The following PRIM2 variants were observed in gnomAD, a reference collection of about 807,000 sequenced individuals.
PRIM2 encodes DNA primase large subunit.
Under a neutral mutation model 67.3 loss-of-function variants are expected in PRIM2, and 39 were observed. That is an observed-to-expected ratio of 0.58 (90% confidence interval 0.45 to 0.76). The LOEUF (loss-of-function observed/expected upper bound fraction) is 0.76. PRIM2 is among the 30% of genes least tolerant of loss of function. The probability of loss-of-function intolerance (pLI) is 0.00; values close to 1 mark genes in which losing one functional copy is unlikely to be tolerated. For synonymous variants in PRIM2, 143 were observed against 198.7 expected (o/e 0.72, Z 2.36); for missense variants, 398 against 598.7 (o/e 0.66, Z 3.50).
intron 3 of PRIM2, among the ~76,000 whole-genome samples, chr6:57,322,490 T>C (rs1767694008): frequency 6.6e-6 from 1 of 152,140 alleles, no homozygotes; most frequent in Non-Finnish European, 1.5e-5. Context: ...CTATTCTAGA[T>C]AGTGAGTTCT....
the PRIM2 span, among the ~76,000 whole-genome samples, chr6:57,246,589 G>A: frequency 6.6e-6 from 1 of 152,126 alleles, no homozygotes; most frequent in Non-Finnish European, 1.5e-5. Flanking sequence ...CAGGGTGTAG[G>A]TACTATAACT....
intron 12 of PRIM2, among the ~76,000 whole-genome samples, chr6:57,616,182 A>G (rs1446278758): frequency 6.6e-6 from 1 of 152,244 alleles, no homozygotes; most frequent in African/African-American, 2.4e-5. Flanking sequence ...ATTTGAAGCC[A>G]TGGTGGTTTG....
In PRIM2 at chr6:57,443,368, C is replaced by T. The variant is rs77202658; in HGVS notation, c.693+61200C>T. Among the ~76,000 whole-genome samples, 5 of 152,168 alleles carry T rather than the reference C, an allele frequency of 3.3e-5. No individual in the cohort carries two copies. The South Asian group carries it at 6.2e-4, about 19-fold the overall frequency. On this transcript the variant is annotated intron_variant, in intron 7 of 13. Coordinates refer to ENST00000615550, the MANE Select transcript of PRIM2 (RefSeq NM_000947.5). The stretch of plus-strand genomic sequence containing the variant: ...CTGTATTAGTTTACATTCCTGCCAA[C>T]GGTTTACAAGTGTTCCCTTTTACTC...
chr6:57,448,081 A>T (rs1772422669), intron 7 of PRIM2, among the ~76,000 whole-genome samples: 1 of 152,172 alleles, frequency 6.6e-6, no homozygotes, highest in Admixed American at 6.5e-5. Context: ...AGAATATAAA[A>T]ATATTGCCTT....
intron 7 of PRIM2, among the ~76,000 whole-genome samples, chr6:57,395,886 AT>A (rs1246319896): frequency 1.3e-5 from 2 of 152,042 alleles, no homozygotes; most frequent in Non-Finnish European, 2.9e-5. Flanking sequence ...AGTTCAAATA[AT>A]TTCTATCTTG....
chr6:57,583,918 T>C (rs1478010580), intron 10 of PRIM2, among the ~76,000 whole-genome samples: 1 of 152,298 alleles, frequency 6.6e-6, no homozygotes, highest in Non-Finnish European at 1.5e-5. Context: ...ATTTATAAAA[T>C]ACAAATATCT....
At chr6:57,429,662 G>A (rs1160926323) in intron 7 of PRIM2, among the ~76,000 whole-genome samples, 1 of 152,156 alleles carries the variant, frequency 6.6e-6, no homozygotes, top group African/African-American at 2.4e-5. Flanking sequence ...TTTAGGGTGG[G>A]CCCTAATACA....
At chr6:57,241,008 A>G in the PRIM2 span, among the ~76,000 whole-genome samples, 1 of 152,036 alleles carries the variant, frequency 6.6e-6, no homozygotes, top group African/African-American at 2.4e-5. Context: ...GCAGATCACG[A>G]GGTCAGGAGA....
intron 7 of PRIM2, among the ~76,000 whole-genome samples, chr6:57,430,290 A>G (rs1401404858): frequency 6.6e-6 from 1 of 152,160 alleles, no homozygotes; most frequent in Non-Finnish European, 1.5e-5. Context: ...TAGGTGAACT[A>G]ATTGCTACCC....
the PRIM2 span, among the ~76,000 whole-genome samples, chr6:57,241,004 C>CACG: frequency 6.6e-6 from 1 of 151,826 alleles, no homozygotes; most frequent in African/African-American, 2.4e-5. Context: ...GTGGGCAGAT[C>CACG]ACGAGGTCAG....
chr6:57,279,527 C>T, the PRIM2 span, among the ~76,000 whole-genome samples: 1 of 152,172 alleles, frequency 6.6e-6, no homozygotes, highest in African/African-American at 2.4e-5. Context: ...AGGCAGGCTC[C>T]AGTCACCCTC....
intron 5 of PRIM2, among the ~76,000 whole-genome samples, chr6:57,346,356 G>T (rs75303217): frequency 3.3e-5 from 5 of 151,718 alleles, no homozygotes; most frequent in African/African-American, 1.2e-4. Flanking sequence ...TCACTCTGTC[G>T]CCCAGGCTGG....
chr6:57,324,318 G>C, intron 4 of PRIM2, 38 bp downstream of exon 4: 1 of 1,306,718 alleles, frequency 7.7e-7, no homozygotes, highest in Non-Finnish European at 1.1e-6. Flanking sequence ...CAAATCTGGT[G>C]TCATGGGTTA....
chr6:57,278,142 C>A, the PRIM2 span, among the ~76,000 whole-genome samples: 3 of 151,672 alleles, frequency 2.0e-5, no homozygotes, highest in Non-Finnish European at 1.5e-5. Context: ...TCCTGGCCAA[C>A]ATGGTGAAAC....
chr6:57,240,367 C>T, the PRIM2 span, among the ~76,000 whole-genome samples: 1 of 152,172 alleles, frequency 6.6e-6, no homozygotes, highest in Non-Finnish European at 1.5e-5. Flanking sequence ...TCCCAAAGTG[C>T]TGGGACTACA....
At chr6:57,397,829 C>G (rs374554594) in intron 7 of PRIM2, among the ~76,000 whole-genome samples, 3 of 149,502 alleles carry the variant, frequency 2.0e-5, no homozygotes, top group African/African-American at 7.4e-5. Flanking sequence ...TGCTTAGAGG[C>G]TGATTTGTTT....
intron 10 of PRIM2, among the ~76,000 whole-genome samples, chr6:57,544,913 T>C (rs1280595036): frequency 2.6e-5 from 4 of 152,340 alleles, no homozygotes; most frequent in Non-Finnish European, 5.9e-5. Flanking sequence ...ATAGATATTA[T>C]TTATTTATAT....
At chr6:57,403,179 A>C (rs527668530) in intron 7 of PRIM2, among the ~76,000 whole-genome samples, 6 of 152,234 alleles carry the variant, frequency 3.9e-5, no homozygotes, top group African/African-American at 1.4e-4. Context: ...ATTGTATATG[A>C]AAGTTTTTTG....
chr6:57,318,681 T>A, intron 2 of PRIM2, 82 bp downstream of exon 2: 18 of 1,106,006 alleles, frequency 1.6e-5, no homozygotes, highest in Non-Finnish European at 2.1e-5. Flanking sequence ...GTAATTCATT[T>A]CCTTCATTCA....
Sources: allele counts gnomAD v4.1 joint callset (sites outside exome capture counted in the v4.1 genomes callset), GRCh38; gene constraint gnomAD v4.1.1; transcripts MANE v1.5; gene names NCBI Gene and HGNC (gene_info 2026-07-23, HGNC 2026-07-21).